The following TMTC2 variants were observed in gnomAD, a reference collection of about 807,000 sequenced individuals.
TMTC2 encodes the protein protein O-mannosyl-transferase TMTC2.
In TMTC2, 43 loss-of-function variants were observed where a neutral mutation model predicts 82.4. The observed-to-expected ratio is 0.52, with a 90% CI of 0.41 to 0.67. The LOEUF (loss-of-function observed/expected upper bound fraction) is 0.67, where lower values mean the gene tolerates loss of function less well. TMTC2 is among the 30% of genes least tolerant of loss of function. The pLI is 0.00. For missense variants in TMTC2, 919 were observed against 1,012.4 expected (o/e 0.91, Z 1.25); for synonymous variants, 408 against 381.9 (o/e 1.07, Z -0.80).
At chr12:82,755,253 G>T (rs980515539) in intron 1 of TMTC2, among the ~76,000 whole-genome samples, 2 of 152,178 alleles carry the variant, frequency 1.3e-5, no homozygotes, top group African/African-American at 4.8e-5. Flanking sequence ...ATATTGCAAA[G>T]AAACTGATTG....
At position 82,997,437 on chromosome 12, in the gene TMTC2, G is replaced by C. The variant is rs187493902; in HGVS notation, c.2070+11391G>C. On this transcript the variant is annotated intron_variant, in intron 8 of 11. Coordinates refer to ENST00000321196, the MANE Select transcript of TMTC2 (RefSeq NM_152588.3). ...GTATATATATATATATACACACAGA[G>C]AGAGAGAACTATAATATTTTTATAT... Among the ~76,000 whole-genome samples, 136 of 68,890 alleles carry C rather than the reference G, an allele frequency of 2.0e-3. 3 individuals are homozygous for C. The East Asian group carries it at 0.023, about 11-fold the overall frequency. 45.2% of individuals were successfully genotyped at this position (68,890 alleles called of 152,430 possible). A position where few individuals can be genotyped will look rare whatever the true frequency, so the allele number is the denominator to read the frequency against.
At chr12:82,851,065 A>T (rs575132349) in intron 1 of TMTC2, among the ~76,000 whole-genome samples, 2 of 152,120 alleles carry the variant, frequency 1.3e-5, no homozygotes, top group East Asian at 3.9e-4. Context: ...CTCCATCTCA[A>T]AAAAAAGAAA....
intron 9 of TMTC2, among the ~76,000 whole-genome samples, chr12:83,031,932 GT>G (rs1881445739): frequency 6.6e-6 from 1 of 152,102 alleles, no homozygotes; most frequent in Admixed American, 6.5e-5. Flanking sequence ...TCCTGATTTT[GT>G]TTCACAATGC....
intron 2 of TMTC2, among the ~76,000 whole-genome samples, chr12:82,882,714 G>T (rs1872893325): frequency 6.6e-6 from 1 of 152,084 alleles, no homozygotes; most frequent in Non-Finnish European, 1.5e-5. Context: ...GTTGAAATAA[G>T]AATTATGAAA....
intron 3 of TMTC2, among the ~76,000 whole-genome samples, chr12:82,924,770 C>T (rs762262104): frequency 6.6e-6 from 1 of 152,160 alleles, no homozygotes; most frequent in Non-Finnish European, 1.5e-5. Flanking sequence ...CCCCCTGTTG[C>T]TCCTTTAGTT....
chr12:83,115,653 T>C (rs2137552336), intron 11 of TMTC2, among the ~76,000 whole-genome samples: 1 of 152,190 alleles, frequency 6.6e-6, no homozygotes, highest in African/African-American at 2.4e-5. Context: ...TATTATTTTT[T>C]TTTTTATTTC....
At chr12:82,975,760 G>C (rs1284172363) in intron 7 of TMTC2, among the ~76,000 whole-genome samples, 2 of 152,172 alleles carry the variant, frequency 1.3e-5, no homozygotes, top group African/African-American at 4.8e-5. Flanking sequence ...TTGACTCATA[G>C]GAGAGTGCTT....
intron 8 of TMTC2, among the ~76,000 whole-genome samples, chr12:82,999,140 C>T (rs1879803741): frequency 6.6e-6 from 1 of 152,142 alleles, no homozygotes. Flanking sequence ...AACCACGTTA[C>T]ATTTAGTAGT....
At chr12:82,705,279 A>G (rs2136904610) in intron 1 of TMTC2, among the ~76,000 whole-genome samples, 1 of 152,366 alleles carries the variant, frequency 6.6e-6, no homozygotes, top group Non-Finnish European at 1.5e-5. Flanking sequence ...ACACATCACC[A>G]CTAAAGAACT....
At chr12:82,799,654 G>A (rs1878900213) in intron 1 of TMTC2, among the ~76,000 whole-genome samples, 2 of 152,088 alleles carry the variant, frequency 1.3e-5, no homozygotes, top group South Asian at 2.1e-4. Context: ...GGCCATCTCT[G>A]GCATTCCTTG....
chr12:83,038,328 A>G (rs1350266445), intron 9 of TMTC2, among the ~76,000 whole-genome samples: 1 of 152,156 alleles, frequency 6.6e-6, no homozygotes, highest in Admixed American at 6.5e-5. Flanking sequence ...TTAGGTAAAC[A>G]TACAATCTCA....
At chr12:82,692,119 A>G (rs900606852) in intron 1 of TMTC2, among the ~76,000 whole-genome samples, 2 of 152,230 alleles carry the variant, frequency 1.3e-5, no homozygotes, top group African/African-American at 4.8e-5. Context: ...CATGATGTTT[A>G]TCATAGTAAT....
chr12:82,785,021 C>A (rs1379141750), intron 1 of TMTC2, among the ~76,000 whole-genome samples: 1 of 151,976 alleles, frequency 6.6e-6, no homozygotes, highest in Non-Finnish European at 1.5e-5. Flanking sequence ...CAACTGAAGG[C>A]TATTACCTGG....
intron 3 of TMTC2, among the ~76,000 whole-genome samples, chr12:82,906,793 G>A (rs1239501786): frequency 2.0e-5 from 3 of 152,168 alleles, no homozygotes; most frequent in Non-Finnish European, 4.4e-5. Context: ...CCTGAGTTGT[G>A]CTGTAAAACA....
At chr12:82,873,334 A>AAGCCCCTGTTTTTTCACTTGTGC (rs1872311798) in intron 2 of TMTC2, among the ~76,000 whole-genome samples, 1 of 150,414 alleles carries the variant, frequency 6.6e-6, no homozygotes, top group East Asian at 2.0e-4. Context: ...AAGTCTTGTG[A>AAGCCCCTGTTTTTTCACTTGTGC]AGCCCCTGTT....
In TMTC2 at chr12:82,850,000, C is replaced by T. The variant is rs187265949; in HGVS notation, c.84-7010C>T. On this transcript the variant is annotated intron_variant, in intron 1 of 11. Coordinates refer to ENST00000321196, the MANE Select transcript of TMTC2 (RefSeq NM_152588.3). ...TGACTCCTGCTGCCCTTGCTTGAAC[C>T]TAAGTCAATTGTGTGGCCAGTGATG... Among the ~76,000 whole-genome samples the T allele has an allele frequency of 7.9e-5, 12 of 152,114 alleles. No homozygotes were observed. In the East Asian group the frequency reaches 2.1e-3, roughly 27 times the overall value.
At chr12:83,100,067 C>T (rs1592746123) in intron 11 of TMTC2, among the ~76,000 whole-genome samples, 2 of 151,904 alleles carry the variant, frequency 1.3e-5, no homozygotes, top group Admixed American at 1.3e-4. Context: ...TTCCCGGCGC[C>T]CGCCACCATG....
intron 1 of TMTC2, among the ~76,000 whole-genome samples, chr12:82,777,715 C>T (rs1357234569): frequency 6.6e-6 from 1 of 152,166 alleles, no homozygotes; most frequent in Non-Finnish European, 1.5e-5. Flanking sequence ...TATACCATCT[C>T]ATTCCAAATG....
At chr12:82,865,753 A>T (rs1592585960) in intron 2 of TMTC2, among the ~76,000 whole-genome samples, 1 of 152,222 alleles carries the variant, frequency 6.6e-6, no homozygotes, top group African/African-American at 2.4e-5. Context: ...TTGACCACAT[A>T]GTTGGAAGTA....
Sources: gnomAD v4.1 joint callset for allele counts (sites outside exome capture counted in the v4.1 genomes callset) on GRCh38, gnomAD v4.1.1 for gene constraint, MANE v1.5 for transcripts, NCBI Gene and HGNC (gene_info 2026-07-23, HGNC 2026-07-21) for gene names.